DOCK10: variants seen among roughly 807,000 people sequenced by gnomAD.
DOCK10 encodes the protein dedicator of cytokinesis 10.
In DOCK10, 145 loss-of-function variants were observed where a neutral mutation model predicts 280.1. That is an observed-to-expected ratio of 0.52 (90% CI 0.45 to 0.59). The LOEUF (loss-of-function observed/expected upper bound fraction) is 0.59. Ranked by LOEUF, DOCK10 falls within the 20% of genes least tolerant of loss-of-function variation. The pLI is 0.00. For synonymous variants in DOCK10, 915 were observed against 942.2 expected (o/e 0.97, Z 0.53); for missense variants, 2,368 against 2,651.7 (o/e 0.89, Z 2.35).
At chr2:224,839,824 A>G in intron 24 of DOCK10, 130 bp downstream of exon 24, 1 of 446,176 alleles carries the variant, frequency 2.2e-6, no homozygotes, top group Non-Finnish European at 4.0e-6. Context: ...AAGAGTGGAA[A>G]ATGCTTAAAT....
At chr2:224,814,443 A>AATTGTTCAGTATAAAC in intron 30 of DOCK10, 79 bp from the exon 31 acceptor site, 2 of 700,168 alleles carry the variant, frequency 2.9e-6, no homozygotes, top group Non-Finnish European at 4.4e-6. Context: ...TGTGTAGTTT[A>AATTGTTCAGTATAAAC]TACTGAACAA....
At chr2:224,779,563 C>T (rs1294616709) in intron 50 of DOCK10, among the ~76,000 whole-genome samples, 1 of 152,022 alleles carries the variant, frequency 6.6e-6, no homozygotes, top group Admixed American at 6.6e-5. Flanking sequence ...TGGGTGAAGA[C>T]ACTGGATGTC....
intron 1 of DOCK10, among the ~76,000 whole-genome samples, chr2:225,037,311 C>T (rs1690287099): frequency 6.6e-6 from 1 of 152,158 alleles, no homozygotes; most frequent in Non-Finnish European, 1.5e-5. Context: ...GTACCTGGAG[C>T]AGCCTCTGCT....
chr2:224,905,234 A>ATTTT lies in DOCK10; in HGVS notation c.334-8861_334-8858dup, dbSNP rs201582173. Among the ~76,000 whole-genome samples, 358 of 111,506 alleles carry ATTTT rather than the reference A, an allele frequency of 3.2e-3. 5 individuals are homozygous for ATTTT. Among genetic ancestry groups the ATTTT allele is most frequent in the African/African-American group, 0.011 (284 of 25,210 alleles). 73.2% of individuals were successfully genotyped at this position (111,506 alleles called of 152,430 possible). A position where few individuals can be genotyped will look rare whatever the true frequency, so the allele number is the denominator to read the frequency against. ...AGATCAATAAACGGCCTATGGAACT[A>ATTTT]TTTTTTTTTTTTTTTTTTTTTTTTG... On this transcript the variant is annotated intron_variant, in intron 3 of 55. Coordinates refer to ENST00000258390, the MANE Select transcript of DOCK10 (RefSeq NM_014689.3).
chr2:224,866,418 A>G (rs1697914688), intron 11 of DOCK10, among the ~76,000 whole-genome samples: 1 of 152,144 alleles, frequency 6.6e-6, no homozygotes, highest in African/African-American at 2.4e-5. Context: ...CAACTCCTTC[A>G]GCAACTGTGA....
At chr2:224,788,552 C>A (rs1691911773) in intron 48 of DOCK10, among the ~76,000 whole-genome samples, 1 of 152,064 alleles carries the variant, frequency 6.6e-6, no homozygotes, top group Non-Finnish European at 1.5e-5. Flanking sequence ...ACCTAAAAAT[C>A]AGCTTATAAA....
chr2:224,964,351 G>A (rs1490228423), intron 1 of DOCK10, among the ~76,000 whole-genome samples: 3 of 152,106 alleles, frequency 2.0e-5, no homozygotes, highest in African/African-American at 7.2e-5. Context: ...CTTTGAAAGA[G>A]ATATGACCTG....
intron 1 of DOCK10, among the ~76,000 whole-genome samples, chr2:224,959,928 A>G (rs1704266915): frequency 6.6e-6 from 1 of 152,178 alleles, no homozygotes; most frequent in Non-Finnish European, 1.5e-5. Context: ...AAAAAGGCAG[A>G]GTCAATATGG....
At chr2:224,803,330 G>T (rs1693141061) in intron 39 of DOCK10, among the ~76,000 whole-genome samples, 1 of 152,000 alleles carries the variant, frequency 6.6e-6, no homozygotes, top group Admixed American at 6.6e-5. Flanking sequence ...ATTTCAAAGG[G>T]CATGGAGGGA....
At chr2:225,006,019 G>C (rs796621795) in intron 1 of DOCK10, among the ~76,000 whole-genome samples, 19 of 152,338 alleles carry the variant, frequency 1.2e-4, no homozygotes, top group African/African-American at 3.8e-4. Context: ...TCATGAAATA[G>C]AGTGGAAAGA....
chr2:225,026,539 A>G (rs2106113882), intron 1 of DOCK10, among the ~76,000 whole-genome samples: 1 of 152,308 alleles, frequency 6.6e-6, no homozygotes, highest in Admixed American at 6.5e-5. Context: ...ACTGATGTGG[A>G]GTGGCCAGGG....
intron 2 of DOCK10, among the ~76,000 whole-genome samples, chr2:224,917,101 C>CTTTTTTTTTTTTTTTTTTTTT (rs58223345): frequency 5.2e-5 from 5 of 95,780 alleles, no homozygotes; most frequent in African/African-American, 2.3e-4. Context: ...CTATTGGAAT[C>CTTTTTTTTTTTTTTTTTTTTT]TTTTTTTTTT....
chr2:224,921,250 C>T (rs1701732325), intron 2 of DOCK10, among the ~76,000 whole-genome samples: 1 of 149,238 alleles, frequency 6.7e-6, no homozygotes, highest in African/African-American at 2.5e-5. Flanking sequence ...TGCAATGAAC[C>T]AAGATCATGC....
intron 1 of DOCK10, among the ~76,000 whole-genome samples, chr2:225,028,346 C>T (rs1689976701): frequency 6.6e-6 from 1 of 152,124 alleles, no homozygotes; most frequent in Non-Finnish European, 1.5e-5. Context: ...CAATAGACCT[C>T]AGTTTGTATC....
intron 50 of DOCK10, among the ~76,000 whole-genome samples, chr2:224,779,864 G>A (rs1158467136): frequency 2.0e-5 from 3 of 152,134 alleles, no homozygotes; most frequent in Non-Finnish European, 4.4e-5. Context: ...TGGCAATCAG[G>A]TAATCACCTG....
rs1314475484 is a variant in DOCK10, at chr2:224,973,361, C to T, written c.124-41693G>A. Among the ~76,000 whole-genome samples the T allele has an allele frequency of 5.9e-5, 9 of 152,180 alleles. No individual in the cohort carries two copies. The South Asian group carries it at 8.3e-4, about 14-fold the overall frequency. On this transcript the variant is annotated intron_variant, in intron 1 of 55. Transcript: ENST00000258390. ...AGCTAACCTAGAGATGGGAGAGGAG[C>T]GTGGATCAGCCAGGTGGGGCCAATG...
intron 1 of DOCK10, among the ~76,000 whole-genome samples, chr2:224,986,662 T>A (rs542070133): frequency 1.4e-4 from 21 of 152,256 alleles, no homozygotes; most frequent in South Asian, 2.1e-4. Flanking sequence ...AAAGGCCATA[T>A]GAAGCCACAG....
At chr2:225,011,369 C>T (rs1689429854) in intron 1 of DOCK10, among the ~76,000 whole-genome samples, 2 of 152,284 alleles carry the variant, frequency 1.3e-5, no homozygotes, top group South Asian at 4.1e-4. Flanking sequence ...CCTAAAGTGA[C>T]TCTTTCCATA....
chr2:224,978,711 A>G (rs906534416), intron 1 of DOCK10, among the ~76,000 whole-genome samples: 19 of 152,188 alleles, frequency 1.2e-4, no homozygotes, highest in African/African-American at 4.6e-4. Flanking sequence ...TCGGTTATTG[A>G]TGTTTACATT....
Sources: gnomAD v4.1 joint callset for allele counts (sites outside exome capture counted in the v4.1 genomes callset) on GRCh38, gnomAD v4.1.1 for gene constraint, MANE v1.5 for transcripts, NCBI Gene and HGNC (gene_info 2026-07-23, HGNC 2026-07-21) for gene names.